SUN5: variants seen among roughly 807,000 people sequenced by gnomAD.
The protein encoded by SUN5 is Sad1 and UNC84 domain containing 5.
In SUN5, 44 loss-of-function variants were observed where a neutral mutation model predicts 53.7. That is an observed-to-expected ratio of 0.82 (90% confidence interval 0.64 to 1.05). The LOEUF (loss-of-function observed/expected upper bound fraction) is 1.05. SUN5 is among the 50% of genes least tolerant of loss of function. The pLI, the probability that SUN5 is intolerant of heterozygous loss-of-function variation, is 0.00. For synonymous variants in SUN5, 166 were observed against 179.8 expected, an observed-to-expected ratio of 0.92 and a Z score of 0.62; for missense variants, 433 against 483.8, an observed-to-expected ratio of 0.90 and a Z score of 0.98.
At chr20:33,001,329 C>T in intron 3 of SUN5, 51 bp from the exon 4 acceptor site, 1 of 1,550,034 alleles carries the variant, frequency 6.5e-7, no homozygotes, top group Non-Finnish European at 8.7e-7. Flanking sequence ...ATCTTTGTCC[C>T]ACTACAAGGA....
intron 9 of SUN5, among the ~76,000 whole-genome samples, chr20:32,989,089 C>A (rs1236954493): frequency 1.3e-5 from 2 of 152,034 alleles, no homozygotes; most frequent in African/African-American, 4.8e-5. Flanking sequence ...CCACGCTCAG[C>A]TAATTTTTTG....
chr20:33,002,162 G>C (rs905561442), intron 3 of SUN5, among the ~76,000 whole-genome samples: 2 of 91,552 alleles, frequency 2.2e-5, no homozygotes, highest in African/African-American at 1.2e-4. Flanking sequence ...GGGAATGGCT[G>C]TCTGGCTTGG....
rs191582267 is a variant in SUN5, at chr20:33,004,385, A to T, written c.-45T>A. 57 of 1,520,746 alleles carry T rather than the reference A, an allele frequency of 3.7e-5. No homozygotes were observed. The African/African-American group carries it at 6.3e-4, about 17-fold the overall frequency. The allele number at this position is 1,520,746 out of a possible 1,614,324, so 94.2% of individuals were successfully genotyped here. On this transcript the variant is annotated 5_prime_UTR_variant, in exon 1 of 13. Coordinates refer to ENST00000356173, the MANE Select transcript of SUN5 (RefSeq NM_080675.4). ...TGGGGATGGAGATGGGAACTCTGGG[A>T]GCTGGTGAGGAGGAAGGGGCTGATG...
chr20:32,991,533 C>T (rs1738013184), intron 8 of SUN5, among the ~76,000 whole-genome samples: 1 of 152,160 alleles, frequency 6.6e-6, no homozygotes, highest in African/African-American at 2.4e-5. Flanking sequence ...TCCTTATAAT[C>T]ACTATACCTT....
chr20:32,987,260 G>A (rs1434300097), intron 10 of SUN5, among the ~76,000 whole-genome samples: 1 of 152,182 alleles, frequency 6.6e-6, no homozygotes, highest in African/African-American at 2.4e-5. Context: ...GGCTCTTTGA[G>A]CCTCAGTTTC....
intron 5 of SUN5, among the ~76,000 whole-genome samples, chr20:32,997,902 T>C (rs909125721): frequency 6.6e-6 from 1 of 152,150 alleles, no homozygotes; most frequent in East Asian, 1.9e-4. Flanking sequence ...ATATCAAATG[T>C]GTAATACATG....
intron 12 of SUN5, among the ~76,000 whole-genome samples, chr20:32,984,583 G>A (rs1989482315): frequency 6.6e-6 from 1 of 152,212 alleles, no homozygotes; most frequent in Non-Finnish European, 1.5e-5. Flanking sequence ...CATAATTTGT[G>A]GTTGGGCAGA....
intron 12 of SUN5, among the ~76,000 whole-genome samples, chr20:32,984,632 C>A (rs6088055): frequency 0.51 from 77,124 of 152,010 alleles, 20,222 homozygotes; most frequent in Middle Eastern, 0.59. Flanking sequence ...AAGCCTGAAC[C>A]TTCACCCTGT....
chr20:32,984,078 C>T (rs535439451), intron 12 of SUN5, 129 bp from the exon 13 acceptor site: 1,138 of 1,205,966 alleles, frequency 9.4e-4, no homozygotes, highest in Non-Finnish European at 1.1e-3. Flanking sequence ...GGAGGATGGA[C>T]TGTCCCAAGG....
chr20:33,000,038 C>A (rs1568969723), intron 5 of SUN5, 36 bp downstream of exon 5: 2 of 1,598,088 alleles, frequency 1.3e-6, no homozygotes, highest in African/African-American at 1.3e-5. Flanking sequence ...CCCAGGGATA[C>A]CTCCACCTGG....
rs766400728 is a variant in SUN5 at position 33,002,846 on chromosome 20, C to T, written c.136+15G>A. 7 of 1,613,802 alleles carry T rather than the reference C, an allele frequency of 4.3e-6. No individual in the cohort carries two copies. Among genetic ancestry groups the T allele is most frequent in the Non-Finnish European group, 4.2e-6 (5 of 1,180,002 alleles). On this transcript the variant is annotated intron_variant, in intron 2 of 12. Coordinates refer to ENST00000356173, the MANE Select transcript of SUN5 (RefSeq NM_080675.4). ...AGCTGCCCATGAAAATACCAGGGCACCTGTCCTTGCTCACTCATGTTTGGG... is the reference window on the plus strand; with the variant it reads ...AGCTGCCCATGAAAATACCAGGGCATCTGTCCTTGCTCACTCATGTTTGGG...
intron 6 of SUN5, among the ~76,000 whole-genome samples, chr20:32,997,180 A>T (rs1025216818): frequency 2.6e-5 from 4 of 152,338 alleles, no homozygotes; most frequent in South Asian, 2.1e-4. Flanking sequence ...GGCCTTTCAG[A>T]TTCCCTTTCT....
intron 3 of SUN5, 57 bp from the exon 4 acceptor site, chr20:33,001,335 A>T: frequency 6.5e-7 from 1 of 1,545,408 alleles, no homozygotes; most frequent in South Asian, 1.2e-5. Flanking sequence ...GTCCCACTAC[A>T]AGGACCTGCT....
chr20:32,985,388 C>G (rs771899754), intron 11 of SUN5, among the ~76,000 whole-genome samples: 5 of 152,126 alleles, frequency 3.3e-5, no homozygotes, highest in Non-Finnish European at 7.4e-5. Context: ...ACTAGCTCTG[C>G]CATTGACTTG....
intron 1 of SUN5, 43 bp from the exon 2 acceptor site, chr20:33,002,962 G>A (rs2146342556): frequency 1.9e-6 from 3 of 1,608,178 alleles, no homozygotes; most frequent in Non-Finnish European, 1.7e-6. Context: ...CAATTATGAG[G>A]AACATAGTGT....
chr20:33,001,567 C>CTTTCTTTCTTTCT (rs1362823574), intron 3 of SUN5, among the ~76,000 whole-genome samples: 2 of 31,174 alleles, frequency 6.4e-5, no homozygotes, highest in African/African-American at 4.2e-4. Flanking sequence ...TCTTTCTTTT[C>CTTTCTTTCTTTCT]TTCCTTCCTT....
In SUN5 at chr20:32,983,802, T is replaced by C; in HGVS notation, c.1132A>G (p.Arg378Gly). The part of the protein sequence containing the change: ...EQPHQNPYPK[R>G]D ...GGGGTAAAGAATAAATTTTAATCTC[T>C]CTTAGGGTAGGGGTTCTGGTGAGGC... is the stretch of plus-strand genomic sequence containing the variant. The change falls in exon 13 of 13, where the codon AGA becomes GGA. Residue 378 changes from arginine (R) to glycine (G), a missense_variant. Coordinates refer to ENST00000356173, the MANE Select transcript of SUN5 (RefSeq NM_080675.4). The C allele has an allele frequency of 6.5e-7, 1 of 1,536,348 alleles. No individual in the cohort carries two copies. The highest frequency in any genetic ancestry group is 8.8e-7 in the Non-Finnish European group (1 of 1,140,596).
intron 12 of SUN5, 35 bp from the exon 13 acceptor site, chr20:32,983,984 A>G (rs1989465774): frequency 6.6e-7 from 1 of 1,505,590 alleles, no homozygotes; most frequent in East Asian, 2.5e-5. Flanking sequence ...CAGCTCACCC[A>G]TAGACTCCCA....
chr20:32,987,703 A>AGT lies in SUN5; in HGVS notation c.685_686insAC (p.Ile229AsnfsTer13). The stretch of plus-strand genomic sequence containing the variant: ...GGGCTGTGCGTAGTTCCACAGCTGG[A>AGT]TCCAGTTCCAGTAGGAGTGGGCCTT... On this transcript the variant is annotated frameshift_variant, in exon 10 of 13. Transcript: ENST00000356173. LOFTEE classifies it high-confidence loss of function. The AGT allele has an allele frequency of 6.2e-7, 1 of 1,613,360 alleles. No individual in the cohort carries two copies. Among genetic ancestry groups the AGT allele is most frequent in the Non-Finnish European group, 8.5e-7 (1 of 1,179,818 alleles).
Sources: allele counts gnomAD v4.1 joint callset (sites outside exome capture counted in the v4.1 genomes callset), GRCh38; gene constraint gnomAD v4.1.1; transcripts MANE v1.5; gene names NCBI Gene and HGNC (gene_info 2026-07-23, HGNC 2026-07-21).